DIP2A: variants seen among roughly 807,000 people sequenced by gnomAD.
DIP2A encodes DIP2 acetate--CoA ligase A.
A neutral mutation model predicts 177.4 loss-of-function variants in DIP2A; 85 were observed. That is an observed-to-expected ratio of 0.48 (90% CI 0.40 to 0.57). The LOEUF is 0.57. Among genes scored for constraint, DIP2A ranks in the 20% least tolerant of loss-of-function variants. DIP2A has a pLI of 0.00. For synonymous variants in DIP2A, 886 were observed against 881.8 expected (o/e 1.00, Z -0.08); for missense variants, 1,791 against 2,100.2 (o/e 0.85, Z 2.88).
rs2058646151 is a variant in DIP2A, at chr21:46,517,628, C to A, written c.1102+6014C>A. On this transcript the variant is annotated intron_variant, in intron 8 of 37. Transcript: ENST00000417564. ...AGCCGTGGCGTTGGTCTCCTCGTGGCTTCTTAACAACCCCATTCTGCTTTT... is the reference window on the plus strand; with the variant it reads ...AGCCGTGGCGTTGGTCTCCTCGTGGATTCTTAACAACCCCATTCTGCTTTT... Among the ~76,000 whole-genome samples, 4 of 152,250 alleles carry A rather than the reference C, an allele frequency of 2.6e-5. No homozygotes were observed. The South Asian group carries it at 8.3e-4, about 31-fold the overall frequency.
intron 25 of DIP2A, 103 bp downstream of exon 25, chr21:46,552,007 T>C: frequency 3.0e-6 from 4 of 1,327,832 alleles, no homozygotes; most frequent in Non-Finnish European, 4.2e-6. Flanking sequence ...TTCTCATGTT[T>C]AGAGAACAGG....
At chr21:46,500,653 G>C (rs1809181584) in intron 5 of DIP2A, among the ~76,000 whole-genome samples, 1 of 152,240 alleles carries the variant, frequency 6.6e-6, no homozygotes, top group Non-Finnish European at 1.5e-5. Context: ...TCTCAACACT[G>C]TTTCCGGGTG....
chr21:46,510,258 T>C (rs975727926), intron 7 of DIP2A, among the ~76,000 whole-genome samples: 1 of 152,166 alleles, frequency 6.6e-6, no homozygotes, highest in Admixed American at 6.5e-5. Context: ...GTCTAGTCTT[T>C]CCACGTTCTT....
At chr21:46,570,223 G>A (rs1033834714), downstream of DIP2A, among the ~76,000 whole-genome samples, 5 of 152,176 alleles carry the variant, frequency 3.3e-5, no homozygotes, top group African/African-American at 1.2e-4. Context: ...CATGCCAGGT[G>A]TGAAGCTTTG....
At position 46,569,753 on chromosome 21, in the gene DIP2A, A is replaced by C. The variant is rs917781119; in HGVS notation, c.*2131A>C. On this transcript the variant is annotated 3_prime_UTR_variant, in exon 38 of 38. Transcript: ENST00000417564. ...TGAAAAGGGTCTTTAAATTACCCCG[A>C]ATAGGTTGTATCTTATTTTGCTTTT... 1 of 150,912 alleles carries C rather than the reference A, an allele frequency of 6.6e-6. No individual in the cohort carries two copies. The highest frequency in any genetic ancestry group is 2.5e-5 in the African/African-American group (1 of 40,472). 9.3% of individuals were successfully genotyped at this position (150,912 alleles called of 1,614,324 possible).
In DIP2A at chr21:46,510,486, G is replaced by C. The variant is rs192817162; in HGVS notation, c.905-931G>C. On this transcript the variant is annotated intron_variant, in intron 7 of 37. Transcript: ENST00000417564. ...GTGCCTTTCAAATTCAGAGTTTATT[G>C]GTATGAATGCATCTTAGAGCAGTGT... Among the ~76,000 whole-genome samples the C allele has an allele frequency of 1.3e-3, 192 of 152,098 alleles. 2 individuals carry two copies. Among genetic ancestry groups the C allele is most frequent in the African/African-American group, 4.4e-3 (181 of 41,488 alleles).
At chr21:46,460,186 T>C (rs1168361824) in intron 1 of DIP2A, among the ~76,000 whole-genome samples, 1 of 150,884 alleles carries the variant, frequency 6.6e-6, no homozygotes, top group African/African-American at 2.5e-5. Flanking sequence ...CCTCATGGAA[T>C]TTTTTAAAGT....
the DIP2A span, among the ~76,000 whole-genome samples, chr21:46,579,049 T>C: frequency 1.3e-5 from 2 of 152,214 alleles, no homozygotes; most frequent in Non-Finnish European, 2.9e-5. Flanking sequence ...CTCCTCTTTG[T>C]ACCTCTGGTA....
chr21:46,523,679 A>G (rs1388483703), intron 8 of DIP2A, among the ~76,000 whole-genome samples: 2 of 152,202 alleles, frequency 1.3e-5, no homozygotes, highest in Non-Finnish European at 2.9e-5. Context: ...CACTTGGACT[A>G]TTCCCAGAAG....
rs1275422472 is a variant in DIP2A, at chr21:46,498,656, C to T, written c.478C>T (p.His160Tyr). ...ACTCACCTCCACTCCGCTCCAGAGC[C>T]ATTCCAGCGTCGAGCCCTGGCTCGA... ...GRLTSTPLQS[H>Y]SSVEPWLDRV... The change falls in exon 5 of 38, where the codon CAT becomes TAT. Residue 160 changes from histidine (H) to tyrosine (Y), a missense_variant. By Grantham distance (83) the His-to-Tyr change is moderately conservative. Transcript: ENST00000417564. This position sits in a 1 kb window ranked among gnomAD's most constrained non-coding sequence, Gnocchi z 4.3. The T allele has an allele frequency of 1.9e-6, 3 of 1,613,694 alleles. No individual in the cohort carries two copies. In the East Asian group the frequency reaches 6.7e-5, roughly 36 times the overall value.
chr21:46,498,685 G>A lies in DIP2A; in HGVS notation c.507G>A (p.Arg169=). The change falls in exon 5 of 38, where the codon CGG becomes CGA. Residue 169 remains arginine, a synonymous_variant. Coordinates refer to ENST00000417564, the MANE Select transcript of DIP2A (RefSeq NM_015151.4). The surrounding 1 kb of genome is among the most constrained non-coding windows in gnomAD (Gnocchi z 4.3). ...SHSSVEPWLD[R]VIQGSSTSSS... ...CCAGCGTCGAGCCCTGGCTCGACCGGGTCATTCAGGGCTCGTCCACCTCAT... is the reference window on the plus strand; with the variant it reads ...CCAGCGTCGAGCCCTGGCTCGACCGAGTCATTCAGGGCTCGTCCACCTCAT... The A allele has an allele frequency of 1.2e-6, 2 of 1,613,824 alleles. No individual in the cohort carries two copies. The highest frequency in any genetic ancestry group is 2.7e-5 in the African/African-American group (2 of 75,042).
chr21:46,557,384 A>C lies in DIP2A; in HGVS notation c.3630-201A>C. Reference sequence around the variant, plus strand: ...CCCCGGATCCTCTCCAAGTGTTCGGAGCAGAGCTCAGAACCCCGTGCCTGC... The same window carrying C: ...CCCCGGATCCTCTCCAAGTGTTCGGCGCAGAGCTCAGAACCCCGTGCCTGC... On this transcript the variant is annotated intron_variant, in intron 30 of 37. Transcript: ENST00000417564. This position sits in a 1 kb window ranked among gnomAD's most constrained non-coding sequence, Gnocchi z 6.0. 3 of 696,014 alleles carry C rather than the reference A, an allele frequency of 4.3e-6. No homozygotes were observed. The South Asian group carries it at 6.0e-5, about 14-fold the overall frequency. 43.1% of individuals were successfully genotyped at this position (696,014 alleles called of 1,614,324 possible).
rs150180949 is a variant in DIP2A at position 46,545,292 on chromosome 21, C to G, written c.2313+19C>G. 1 of 1,581,596 alleles carries G rather than the reference C, an allele frequency of 6.3e-7. No homozygotes were observed. The highest frequency in any genetic ancestry group is 8.7e-7 in the Non-Finnish European group (1 of 1,155,464). On this transcript the variant is annotated intron_variant, in intron 19 of 37. Coordinates refer to ENST00000417564, the MANE Select transcript of DIP2A (RefSeq NM_015151.4). ...GTTTGAGGTTTGTCCCTTTTCCTGA[C>G]TTTCATGTTGAAGTTAAGTTGCATG...
intron 8 of DIP2A, among the ~76,000 whole-genome samples, chr21:46,524,232 G>C (rs1288427586): frequency 6.6e-6 from 1 of 152,160 alleles, no homozygotes; most frequent in East Asian, 1.9e-4. Context: ...TGGCCACGAG[G>C]GACTTTACTG....
At chr21:46,468,281 A>AAGG (rs2055027536) in intron 1 of DIP2A, among the ~76,000 whole-genome samples, 1 of 149,650 alleles carries the variant, frequency 6.7e-6, no homozygotes, top group Non-Finnish European at 1.5e-5. Flanking sequence ...AAAAAAAAAA[A>AAGG]GCTGGGTGTG....
intron 1 of DIP2A, among the ~76,000 whole-genome samples, chr21:46,475,177 AGTT>A (rs150846661): frequency 0.046 from 7,063 of 152,292 alleles, 528 homozygotes; most frequent in African/African-American, 0.16. Flanking sequence ...TTCTCCTTTC[AGTT>A]GCAAGGCTAG....
chr21:46,507,692 CTTTTTTTT>C (rs34594717), intron 6 of DIP2A, among the ~76,000 whole-genome samples: 1 of 43,950 alleles, frequency 2.3e-5, no homozygotes, highest in Non-Finnish European at 3.8e-5. Context: ...ATTTTCTGTT[CTTTTTTTT>C]TTTTTTTTTT....
chr21:46,481,223 AACC>A (rs55804117), intron 1 of DIP2A, among the ~76,000 whole-genome samples: 24,220 of 152,194 alleles, frequency 0.16, 2,167 homozygotes, highest in African/African-American at 0.2. Context: ...TATAGCATGT[AACC>A]TTTCGAGAAT....
chr21:46,507,608 C>G (rs1013882861), intron 6 of DIP2A, among the ~76,000 whole-genome samples: 7 of 150,854 alleles, frequency 4.6e-5, no homozygotes, highest in Non-Finnish European at 1.0e-4. Context: ...CTCGTATAGC[C>G]ATGACCACTG....
Sources: allele counts gnomAD v4.1 joint callset (sites outside exome capture counted in the v4.1 genomes callset), GRCh38; gene constraint gnomAD v4.1.1; non-coding constraint Gnocchi (gnomAD v3.1); transcripts MANE v1.5; gene names NCBI Gene and HGNC (gene_info 2026-07-23, HGNC 2026-07-21).